Variants in FKTN observed in about 807,000 individuals in gnomAD.
FKTN encodes the protein fukutin.
Under a neutral mutation model 58.6 loss-of-function variants are expected in FKTN, and 47 were observed. That is an observed-to-expected ratio of 0.80 (90% CI 0.63 to 1.02). The LOEUF is 1.02. FKTN is among the 50% of genes least tolerant of loss of function. The pLI is 0.00. For missense variants in FKTN, 516 were observed against 537.3 expected (o/e 0.96, Z 0.39); for synonymous variants, 178 against 191.9 (o/e 0.93, Z 0.60).
chr9:105,613,294 C>T (rs1830256355), intron 7 of FKTN, among the ~76,000 whole-genome samples: 1 of 152,210 alleles, frequency 6.6e-6, no homozygotes, highest in Non-Finnish European at 1.5e-5. Flanking sequence ...ATGTATCTCT[C>T]ATTCCAGTCA....
chr9:105,558,424 T>C (rs191641395), intron 1 of FKTN, among the ~76,000 whole-genome samples: 7 of 152,156 alleles, frequency 4.6e-5, no homozygotes, highest in Admixed American at 2.0e-4. Flanking sequence ...GAAATCTTAA[T>C]CCTGGGACAG....
intron 3 of FKTN, among the ~76,000 whole-genome samples, chr9:105,582,263 C>T (rs1455141462): frequency 8.5e-6 from 1 of 117,912 alleles, no homozygotes. Context: ...ATAATCATAG[C>T]TCACTGTAAC....
intron 3 of FKTN, among the ~76,000 whole-genome samples, chr9:105,594,890 ATGAT>A (rs1397543446): frequency 2.0e-5 from 3 of 152,276 alleles, no homozygotes; most frequent in Non-Finnish European, 4.4e-5. Context: ...ATACAAGAGA[ATGAT>A]TGTGAAACAT....
intron 5 of FKTN, among the ~76,000 whole-genome samples, chr9:105,602,899 C>T (rs1410768348): frequency 6.6e-6 from 1 of 152,136 alleles, no homozygotes. Flanking sequence ...CCTAAAACAT[C>T]CCCCAATGTG....
Position 105,621,911 on chromosome 9 carries a change from G to A in FKTN, c.1172+1850G>A, listed in dbSNP as rs147282898. ...TCCATATGTCTTTATGCACACGTGT[G>A]AAACCCTGTGCAGGATAAAGTATTA... On this transcript the variant is annotated intron_variant, in intron 10 of 10. Coordinates refer to ENST00000357998, the MANE Select transcript of FKTN (RefSeq NM_001079802.2). Among the ~76,000 whole-genome samples, 441 of 152,144 alleles carry A rather than the reference G, an allele frequency of 2.9e-3. 3 individuals are homozygous for A. The highest frequency in any genetic ancestry group is 0.022 in the East Asian group (116 of 5,188).
chr9:105,603,986 CTA>C (rs1024361487), intron 5 of FKTN, among the ~76,000 whole-genome samples: 1 of 152,026 alleles, frequency 6.6e-6, no homozygotes, highest in Admixed American at 6.6e-5. Flanking sequence ...GAGTCTTTGG[CTA>C]TATCTTTCCT....
Position 105,635,832 on chromosome 9 carries a change from A to G in FKTN, c.*568A>G, listed in dbSNP as rs1833992357. 4 of 997,790 alleles carry G rather than the reference A, an allele frequency of 4.0e-6. No homozygotes were observed. Among genetic ancestry groups the G allele is most frequent in the Non-Finnish European group, 4.8e-6 (4 of 836,386 alleles). 61.8% of individuals were successfully genotyped at this position (997,790 alleles called of 1,614,324 possible). On this transcript the variant is annotated 3_prime_UTR_variant, in exon 11 of 11. Transcript: ENST00000357998. ...AATCTTATGTGGAATTGAATTAGAG[A>G]ACAAGGCATTATTCTTTTAGGGAAG...
chr9:105,623,512 C>G (rs1832304753), intron 10 of FKTN, among the ~76,000 whole-genome samples: 1 of 152,146 alleles, frequency 6.6e-6, no homozygotes, highest in South Asian at 2.1e-4. Flanking sequence ...GCTACATCCT[C>G]TAATAGGAAA....
Position 105,593,608 on chromosome 9 carries a change from A to AG in FKTN, c.106-2985dup, listed in dbSNP as rs146616243. Among the ~76,000 whole-genome samples, 1,269 of 152,278 alleles carry AG rather than the reference A, an allele frequency of 8.3e-3. 20 individuals carry two copies. The highest frequency in any genetic ancestry group is 0.029 in the African/African-American group (1,212 of 41,548). On this transcript the variant is annotated intron_variant, in intron 3 of 10. Transcript: ENST00000357998. ...TAAGGAAGTGAATATAGATTTTTAA[A>AG]GGGGGAGAAAGAAAGTGCCAACATC...
Position 105,635,355 on chromosome 9 carries a change from G to C in FKTN, c.*91G>C. The C allele has an allele frequency of 1.3e-6, 2 of 1,578,056 alleles. No individual in the cohort carries two copies. The highest frequency in any genetic ancestry group is 8.6e-7 in the Non-Finnish European group (1 of 1,162,710). On this transcript the variant is annotated 3_prime_UTR_variant, in exon 11 of 11. Coordinates refer to ENST00000357998, the MANE Select transcript of FKTN (RefSeq NM_001079802.2). ...CATGTCTATTTGTCAAACATAAGTG[G>C]GAACCAAAGAAAAAATGTGACAAGT...
intron 7 of FKTN, among the ~76,000 whole-genome samples, chr9:105,614,761 C>T (rs1172975605): frequency 6.6e-6 from 1 of 152,124 alleles, no homozygotes; most frequent in Non-Finnish European, 1.5e-5. Context: ...TTTAATTTAT[C>T]TCTCCAAGAA....
Position 105,637,795 on chromosome 9 carries a change from C to T in FKTN, c.*2531C>T. On this transcript the variant is annotated 3_prime_UTR_variant, in exon 11 of 11. Transcript: ENST00000357998. ...TTGATAACCAGGACAACCAGGTAGT[C>T]ACCCAGTCCTCTCTAAGCAGGGAGC... 1 of 985,286 alleles carries T rather than the reference C, an allele frequency of 1.0e-6. No individual in the cohort carries two copies. The highest frequency in any genetic ancestry group is 1.2e-6 in the Non-Finnish European group (1 of 829,818). 61.0% of individuals were successfully genotyped at this position (985,286 alleles called of 1,614,324 possible).
intron 10 of FKTN, among the ~76,000 whole-genome samples, chr9:105,629,245 A>C (rs937534423): frequency 1.3e-5 from 2 of 152,276 alleles, no homozygotes; most frequent in South Asian, 4.2e-4. Context: ...GATAAAAAAC[A>C]GTTTGTGACT....
At chr9:105,577,843 C>A (rs1007860755) in intron 3 of FKTN, among the ~76,000 whole-genome samples, 142 of 149,162 alleles carry the variant, frequency 9.5e-4, no homozygotes, top group Non-Finnish European at 1.4e-3. Context: ...CTTTTATTTC[C>A]TTGAGCAGTG....
intron 1 of FKTN, among the ~76,000 whole-genome samples, chr9:105,569,526 C>T (rs1271187561): frequency 1.3e-5 from 2 of 152,162 alleles, no homozygotes; most frequent in Non-Finnish European, 2.9e-5. Flanking sequence ...ATGACCTACT[C>T]TTGGGGTCTA....
intron 1 of FKTN, among the ~76,000 whole-genome samples, chr9:105,563,310 C>A (rs900169956): frequency 6.6e-6 from 1 of 152,122 alleles, no homozygotes; most frequent in Non-Finnish European, 1.5e-5. Context: ...GGGTGCAGGA[C>A]AGTGGGTGCA....
At chr9:105,599,925 A>G (rs1235448196) in intron 4 of FKTN, among the ~76,000 whole-genome samples, 1 of 151,864 alleles carries the variant, frequency 6.6e-6, no homozygotes, top group Admixed American at 6.6e-5. Context: ...TGAACTGTCT[A>G]AGTCTGAAGT....
rs539479985 is a variant in FKTN, at chr9:105,563,469, C to T, written c.-181+5304C>T. On this transcript the variant is annotated intron_variant, in intron 1 of 10. Transcript: ENST00000357998. ...CTCCCACCCTAATACTGTGCTTTTC[C>T]GACAGTCTTAGCAAACAGCACACCA... Among the ~76,000 whole-genome samples, 244 of 152,224 alleles carry T rather than the reference C, an allele frequency of 1.6e-3. 1 individual carries two copies. Among genetic ancestry groups the T allele is most frequent in the South Asian group, 0.015 (72 of 4,808 alleles).
chr9:105,632,391 A>G (rs1160971770), intron 10 of FKTN, among the ~76,000 whole-genome samples: 1 of 150,124 alleles, frequency 6.7e-6, no homozygotes, highest in East Asian at 1.9e-4. Flanking sequence ...CACAATGTGC[A>G]CATGTACCCT....
Sources: allele counts gnomAD v4.1 joint callset (sites outside exome capture counted in the v4.1 genomes callset), GRCh38; gene constraint gnomAD v4.1.1; transcripts MANE v1.5; gene names NCBI Gene and HGNC (gene_info 2026-07-23, HGNC 2026-07-21).